The following SPATA17 variants were observed in gnomAD, a reference collection of about 807,000 sequenced individuals.
SPATA17 encodes spermatogenesis associated 17.
SPATA17 carries 53 observed loss-of-function variants against 62.2 expected under a neutral mutation model. That is an observed-to-expected ratio of 0.85 (90% CI 0.68 to 1.07). The LOEUF is 1.07. Ranked by LOEUF, SPATA17 falls within the 50% of genes least tolerant of loss-of-function variation. The probability of loss-of-function intolerance (pLI) is 0.00; values close to 1 mark genes in which losing one functional copy is unlikely to be tolerated. For missense variants in SPATA17, 466 were observed against 425.5 expected (o/e 1.10, Z -0.84); for synonymous variants, 146 against 146.8 (o/e 0.99, Z 0.04).
chr1:217,868,569 T>C lies in SPATA17; in HGVS notation c.*1550T>C, dbSNP rs1676064968. 6.6e-6 allele frequency: 1 copy of C among 151,590 alleles called. No homozygotes were observed. The allele number at this position is 151,590 out of a possible 1,614,324, so 9.4% of individuals were successfully genotyped here. On this transcript the variant is annotated 3_prime_UTR_variant, in exon 11 of 11. Coordinates refer to ENST00000366933, the MANE Select transcript of SPATA17 (RefSeq NM_138796.4). ...TGAACAGCCCATGTAATTTATTGAA[T>C]ATTGTACTAAAAGTGAAAAACTGAA... is the stretch of plus-strand genomic sequence containing the variant.
At chr1:217,652,289 T>C (rs1195260943) in intron 3 of SPATA17, among the ~76,000 whole-genome samples, 1 of 152,226 alleles carries the variant, frequency 6.6e-6, no homozygotes, top group Non-Finnish European at 1.5e-5. Flanking sequence ...TGGAGTGCAA[T>C]GGCACGATTT....
intron 4 of SPATA17, among the ~76,000 whole-genome samples, chr1:217,682,522 C>A (rs541265738): frequency 3.3e-5 from 5 of 152,092 alleles, no homozygotes; most frequent in Admixed American, 6.5e-5. Context: ...TTCTATATTG[C>A]AATGGTTACG....
intron 9 of SPATA17, among the ~76,000 whole-genome samples, chr1:217,803,779 A>G (rs1674369446): frequency 6.6e-6 from 1 of 152,196 alleles, no homozygotes; most frequent in African/African-American, 2.4e-5. Context: ...GCACTTTGGG[A>G]GGCCAAGGTG....
intron 9 of SPATA17, among the ~76,000 whole-genome samples, chr1:217,828,617 A>C (rs1277725323): frequency 3.3e-5 from 5 of 151,736 alleles, no homozygotes; most frequent in African/African-American, 1.2e-4. Flanking sequence ...CTAAACTAAA[A>C]AGCTTCTGCA....
intron 6 of SPATA17, among the ~76,000 whole-genome samples, chr1:217,767,361 C>T (rs1673324856): frequency 6.6e-6 from 1 of 151,860 alleles, no homozygotes; most frequent in South Asian, 2.1e-4. Context: ...AAAATTTATC[C>T]TACTTGATTT....
intron 9 of SPATA17, among the ~76,000 whole-genome samples, chr1:217,812,504 T>A (rs905770336): frequency 1.3e-5 from 2 of 152,108 alleles, no homozygotes; most frequent in Admixed American, 6.5e-5. Flanking sequence ...AATTTACTCA[T>A]TTTTTTAATC....
rs947226995 is a variant in SPATA17, at chr1:217,686,998, C to T, written c.395+3637C>T. Among the ~76,000 whole-genome samples the T allele has an allele frequency of 3.3e-5, 5 of 152,178 alleles. No homozygotes were observed. In the East Asian group the frequency reaches 5.8e-4, roughly 18 times the overall value. ...CCTCCCAAAGTGCTGGGATTACAGGCGTGAGCCAACGTGTCCAGCTGCATG... is the reference window on the plus strand; with the variant it reads ...CCTCCCAAAGTGCTGGGATTACAGGTGTGAGCCAACGTGTCCAGCTGCATG... On this transcript the variant is annotated intron_variant, in intron 5 of 10. Coordinates refer to ENST00000366933, the MANE Select transcript of SPATA17 (RefSeq NM_138796.4).
chr1:217,845,513 C>A (rs2103008852), intron 9 of SPATA17, among the ~76,000 whole-genome samples: 1 of 152,134 alleles, frequency 6.6e-6, no homozygotes, highest in Middle Eastern at 3.4e-3. Context: ...AGAGACCCTG[C>A]ATGTAGTGAG....
At chr1:217,643,242 G>A (rs1358089108) in intron 1 of SPATA17, among the ~76,000 whole-genome samples, 1 of 151,952 alleles carries the variant, frequency 6.6e-6, no homozygotes. Context: ...TTACTTATCT[G>A]ATCAGATCCT....
intron 10 of SPATA17, chr1:217,866,459 TTG>T (rs1676012055): frequency 2.0e-5 from 3 of 152,168 alleles, no homozygotes; most frequent in African/African-American, 4.8e-5. Flanking sequence ...TTTAGTTTGT[TTG>T]TTTTTGTTTT....
intron 8 of SPATA17, among the ~76,000 whole-genome samples, chr1:217,790,865 G>A (rs945589929): frequency 6.6e-6 from 1 of 152,200 alleles, no homozygotes; most frequent in African/African-American, 2.4e-5. Context: ...ATTTTACAAT[G>A]TGGCATACAC....
intron 6 of SPATA17, among the ~76,000 whole-genome samples, chr1:217,765,215 AC>A (rs1346433112): frequency 6.6e-6 from 1 of 150,506 alleles, no homozygotes; most frequent in Non-Finnish European, 1.5e-5. Context: ...TTTCCAAAGA[AC>A]CAGCTTTTGG....
chr1:217,848,028 G>A (rs992506096), intron 9 of SPATA17, among the ~76,000 whole-genome samples: 2 of 151,934 alleles, frequency 1.3e-5, no homozygotes, highest in East Asian at 1.9e-4. Flanking sequence ...AGAGTGAGAC[G>A]CTGTCTCAAA....
intron 9 of SPATA17, among the ~76,000 whole-genome samples, chr1:217,856,342 G>A (rs1047682089): frequency 6.6e-6 from 1 of 152,100 alleles, no homozygotes; most frequent in African/African-American, 2.4e-5. Flanking sequence ...TATTTTATCT[G>A]TTTTCAAATT....
At chr1:217,683,386 C>G in intron 5 of SPATA17, 25 bp downstream of exon 5, 1 of 1,432,966 alleles carries the variant, frequency 7.0e-7, no homozygotes. Flanking sequence ...CATCCATTCA[C>G]TAGGGAAAAC....
intron 5 of SPATA17, among the ~76,000 whole-genome samples, chr1:217,689,907 C>A (rs955531159): frequency 1.5e-4 from 22 of 144,062 alleles, no homozygotes; most frequent in African/African-American, 5.3e-4. Context: ...TTTTCTTTTT[C>A]TTTTTTTTTT....
chr1:217,666,151 T>C (rs981321396), intron 3 of SPATA17, among the ~76,000 whole-genome samples: 5 of 152,170 alleles, frequency 3.3e-5, no homozygotes, highest in Non-Finnish European at 7.4e-5. Context: ...CCCTTTAAAG[T>C]AGACTTGATA....
At chr1:217,752,461 T>C (rs541999840) in intron 6 of SPATA17, among the ~76,000 whole-genome samples, 1 of 152,338 alleles carries the variant, frequency 6.6e-6, no homozygotes, top group African/African-American at 2.4e-5. Context: ...CTCTATGGCA[T>C]TTGTTTTCTA....
intron 6 of SPATA17, among the ~76,000 whole-genome samples, chr1:217,742,708 AAG>A (rs1672650133): frequency 6.6e-6 from 1 of 152,178 alleles, no homozygotes. Flanking sequence ...TAGTCTCAAA[AAG>A]AAATACGGTT....
Sources: gnomAD v4.1 joint callset for allele counts (sites outside exome capture counted in the v4.1 genomes callset) on GRCh38, gnomAD v4.1.1 for gene constraint, MANE v1.5 for transcripts, NCBI Gene and HGNC (gene_info 2026-07-23, HGNC 2026-07-21) for gene names.